The following LMNTD1 variants were observed in gnomAD, a reference collection of about 807,000 sequenced individuals.
LMNTD1 encodes the protein lamin tail domain containing 1.
Under a neutral mutation model 50.9 loss-of-function variants are expected in LMNTD1, and 35 were observed. The observed-to-expected ratio is 0.69, with a 90% confidence interval of 0.53 to 0.91. LMNTD1 has a LOEUF of 0.91. Among genes scored for constraint, LMNTD1 ranks in the 40% least tolerant of loss-of-function variants. The probability of loss-of-function intolerance (pLI) is 0.00; values close to 1 mark genes in which losing one functional copy is unlikely to be tolerated. For missense variants in LMNTD1, 470 were observed against 475.5 expected, an observed-to-expected ratio of 0.99 and a Z score of 0.11; for synonymous variants, 153 against 161.9, an observed-to-expected ratio of 0.94 and a Z score of 0.42.
At chr12:25,631,507 G>A (rs575782748) in intron 1 of LMNTD1, among the ~76,000 whole-genome samples, 1 of 152,276 alleles carries the variant, frequency 6.6e-6, no homozygotes, top group East Asian at 1.9e-4. Flanking sequence ...TCAGCCCAGA[G>A]CCAGGTAGAC....
chr12:25,590,073 G>T (rs952595214), intron 1 of LMNTD1, among the ~76,000 whole-genome samples: 1 of 152,036 alleles, frequency 6.6e-6, no homozygotes, highest in Admixed American at 6.6e-5. Context: ...CACAAAAGAA[G>T]CACCTCTATA....
chr12:25,619,843 T>C (rs896942819), intron 1 of LMNTD1, among the ~76,000 whole-genome samples: 1 of 152,230 alleles, frequency 6.6e-6, no homozygotes. Flanking sequence ...TCACCAAGAC[T>C]GATCACAGAT....
At position 25,545,745 on chromosome 12, in the gene LMNTD1, T is replaced by C. The variant is rs891969763; in HGVS notation, c.491+629A>G. On this transcript the variant is annotated intron_variant, in intron 4 of 9. Transcript: ENST00000458174. ...CATGGGTGATTGATTTTAGGAAACA[T>C]GGCATAAAGGGAGAGAAAATTTCCT... is the stretch of plus-strand genomic sequence containing the variant. Among the ~76,000 whole-genome samples the C allele has an allele frequency of 5.3e-5, 8 of 151,764 alleles. No homozygotes were observed. The East Asian group carries it at 7.7e-4, about 15-fold the overall frequency.
chr12:25,638,111 C>T (rs1428666316), intron 1 of LMNTD1, among the ~76,000 whole-genome samples: 1 of 151,822 alleles, frequency 6.6e-6, no homozygotes, highest in East Asian at 1.9e-4. Context: ...AATAAAAAAA[C>T]AGAAAAAAAG....
rs538087734 is a variant in LMNTD1 at position 25,564,512 on chromosome 12, C to G, written c.59-17958G>C. On this transcript the variant is annotated intron_variant, in intron 1 of 7. Transcript: ENST00000445693. ...GACCTCGTGATCCACCTACCTCAGC[C>G]TCCCAAAGTGCTGGGATTACAGGCA... Among the ~76,000 whole-genome samples, 122 of 152,312 alleles carry G rather than the reference C, an allele frequency of 8.0e-4. 1 individual carries two copies. The highest frequency in any genetic ancestry group is 5.8e-4 in the East Asian group (3 of 5,180).
chr12:25,533,225 T>G (rs971070073), intron 4 of LMNTD1, among the ~76,000 whole-genome samples: 3 of 152,128 alleles, frequency 2.0e-5, no homozygotes, highest in African/African-American at 7.2e-5. Flanking sequence ...ACACAGCCTT[T>G]AGTAGTTATC....
At chr12:25,579,530 C>T (rs1592061590) in intron 1 of LMNTD1, among the ~76,000 whole-genome samples, 1 of 152,252 alleles carries the variant, frequency 6.6e-6, no homozygotes, top group Middle Eastern at 3.4e-3. Flanking sequence ...ATAAATAGGG[C>T]AGGTGCTATC....
At chr12:25,633,442 A>G (rs1006490742) in intron 1 of LMNTD1, among the ~76,000 whole-genome samples, 15 of 152,188 alleles carry the variant, frequency 9.9e-5, no homozygotes, top group Non-Finnish European at 1.9e-4. Context: ...AGGAGCCTCA[A>G]TACATTTAAG....
intron 1 of LMNTD1, among the ~76,000 whole-genome samples, chr12:25,559,197 G>A (rs1051662969): frequency 6.6e-6 from 1 of 151,554 alleles, no homozygotes; most frequent in African/African-American, 2.4e-5. Context: ...CCTCCCCCCT[G>A]CCCCCACCCC....
chr12:25,555,110 G>C (rs1035042246), upstream of LMNTD1, among the ~76,000 whole-genome samples: 1 of 150,622 alleles, frequency 6.6e-6, no homozygotes, highest in African/African-American at 2.4e-5. Context: ...CTAAAGCCTA[G>C]CTCTATATGT....
At chr12:25,498,415 A>G (rs1939187754) in intron 9 of LMNTD1, among the ~76,000 whole-genome samples, 1 of 152,202 alleles carries the variant, frequency 6.6e-6, no homozygotes, top group African/African-American at 2.4e-5. Context: ...GTTACTCCGT[A>G]GAAATTTAAC....
At chr12:25,547,081 T>G (rs574733800) in intron 3 of LMNTD1, 1 of 211,036 alleles carries the variant, frequency 4.7e-6, no homozygotes, top group South Asian at 1.7e-4. Flanking sequence ...AAAGTCATGC[T>G]TAATCAGATT....
intron 1 of LMNTD1, among the ~76,000 whole-genome samples, chr12:25,648,034 G>C (rs532868716): frequency 6.6e-6 from 1 of 152,152 alleles, no homozygotes; most frequent in East Asian, 1.9e-4. Flanking sequence ...AGTCAAGATA[G>C]AGAATGTAGT....
At chr12:25,560,052 T>C (rs1944231625) in intron 1 of LMNTD1, among the ~76,000 whole-genome samples, 1 of 152,200 alleles carries the variant, frequency 6.6e-6, no homozygotes, top group African/African-American at 2.4e-5. Flanking sequence ...TTTAATTAGA[T>C]CCCATTTGTC....
At chr12:25,599,080 C>T (rs1945907324) in intron 1 of LMNTD1, among the ~76,000 whole-genome samples, 2 of 151,978 alleles carry the variant, frequency 1.3e-5, no homozygotes, top group South Asian at 4.1e-4. Context: ...TGCCAGCAAA[C>T]AAACTTCAAC....
intron 1 of LMNTD1, among the ~76,000 whole-genome samples, chr12:25,645,005 T>C (rs1947036677): frequency 6.6e-6 from 1 of 152,074 alleles, no homozygotes; most frequent in Admixed American, 6.5e-5. Context: ...AGAGAGGAAA[T>C]GTGAAATCGT....
At chr12:25,564,953 A>T (rs1287442403) in intron 1 of LMNTD1, among the ~76,000 whole-genome samples, 4 of 152,146 alleles carry the variant, frequency 2.6e-5, no homozygotes, top group African/African-American at 7.2e-5. Flanking sequence ...CCTCTTGCTG[A>T]ATTGACCCCT....
chr12:25,522,880 A>G (rs747847934), intron 6 of LMNTD1, among the ~76,000 whole-genome samples: 6 of 152,194 alleles, frequency 3.9e-5, no homozygotes, highest in Non-Finnish European at 7.4e-5. Context: ...TAGTTAATAC[A>G]TGGCAAAGCA....
At chr12:25,500,541 A>T (rs1156346573) in intron 9 of LMNTD1, among the ~76,000 whole-genome samples, 1 of 152,128 alleles carries the variant, frequency 6.6e-6, no homozygotes, top group Non-Finnish European at 1.5e-5. Context: ...TTGTGAGTTT[A>T]TATGCTGTGT....
Sources: allele counts gnomAD v4.1 joint callset (sites outside exome capture counted in the v4.1 genomes callset), GRCh38; gene constraint gnomAD v4.1.1; transcripts MANE v1.5; gene names NCBI Gene and HGNC (gene_info 2026-07-23, HGNC 2026-07-21).